NTN4: variants seen among roughly 807,000 people sequenced by gnomAD.
NTN4 encodes netrin 4, also known as netrin-4.
Under a neutral mutation model 73.6 loss-of-function variants are expected in NTN4, and 32 were observed. That is an observed-to-expected ratio of 0.44 (90% CI 0.33 to 0.58). The LOEUF (loss-of-function observed/expected upper bound fraction) is 0.58. NTN4 is among the 20% of genes least tolerant of loss of function. The pLI is 0.04. For synonymous variants in NTN4, 258 were observed against 287.5 expected, an observed-to-expected ratio of 0.90 and a Z score of 1.04; for missense variants, 654 against 798.3, an observed-to-expected ratio of 0.82 and a Z score of 2.18.
At chr12:95,771,627 G>T (rs1159287437) in intron 2 of NTN4, among the ~76,000 whole-genome samples, 1 of 152,026 alleles carries the variant, frequency 6.6e-6, no homozygotes. Flanking sequence ...TAGTCCAGGG[G>T]CATTCCAAAA....
chr12:95,668,864 G>A (rs779238935), intron 8 of NTN4, among the ~76,000 whole-genome samples: 3 of 152,154 alleles, frequency 2.0e-5, no homozygotes, highest in Non-Finnish European at 4.4e-5. Context: ...GGTGGCTCAC[G>A]CCTATAATCC....
At chr12:95,718,143 G>A (rs1174919980) in intron 3 of NTN4, among the ~76,000 whole-genome samples, 1 of 152,194 alleles carries the variant, frequency 6.6e-6, no homozygotes, top group Non-Finnish European at 1.5e-5. Flanking sequence ...AAGCCAAATA[G>A]GCATGGAAGA....
At chr12:95,765,961 A>G (rs971254791) in intron 2 of NTN4, among the ~76,000 whole-genome samples, 2 of 152,212 alleles carry the variant, frequency 1.3e-5, no homozygotes, top group African/African-American at 4.8e-5. Context: ...AGCTGGCACC[A>G]TCAGAGCCTG....
chr12:95,717,177 A>G (rs1187476120), intron 3 of NTN4, among the ~76,000 whole-genome samples: 1 of 152,158 alleles, frequency 6.6e-6, no homozygotes, highest in African/African-American at 2.4e-5. Context: ...AAGTACTGTG[A>G]GTCCTCTTCA....
chr12:95,683,469 A>C (rs372379442), intron 6 of NTN4, 29 bp downstream of exon 6: 2 of 1,594,818 alleles, frequency 1.3e-6, no homozygotes, highest in African/African-American at 2.7e-5. Flanking sequence ...AAATACATGC[A>C]GCTGAGAGCA....
rs2078578758 is a variant in NTN4, at chr12:95,713,197, G to A, written c.991+15C>T. On this transcript the variant is annotated intron_variant, in intron 4 of 9. Coordinates refer to ENST00000343702, the MANE Select transcript of NTN4 (RefSeq NM_021229.4). ...TACAAAGAAAGCTTTTGAGTATCGTGGGCTTGTTACTTACTTCTGCACTCG... is the reference window on the plus strand; with the variant it reads ...TACAAAGAAAGCTTTTGAGTATCGTAGGCTTGTTACTTACTTCTGCACTCG... 6.2e-7 allele frequency: 1 copy of A among 1,607,928 alleles called. No homozygotes were observed.
intron 2 of NTN4, among the ~76,000 whole-genome samples, chr12:95,762,098 G>A (rs776215828): frequency 3.9e-5 from 6 of 152,146 alleles, no homozygotes; most frequent in African/African-American, 7.2e-5. Flanking sequence ...ATGTTAAAAC[G>A]AATTGAGTTT....
chr12:95,689,064 C>T (rs2078383379), intron 5 of NTN4, among the ~76,000 whole-genome samples: 1 of 152,142 alleles, frequency 6.6e-6, no homozygotes, highest in Admixed American at 6.5e-5. Context: ...AACATCTGTG[C>T]AACCTTCCCC....
intron 3 of NTN4, among the ~76,000 whole-genome samples, chr12:95,718,733 T>A (rs2078625700): frequency 6.6e-6 from 1 of 152,188 alleles, no homozygotes; most frequent in Non-Finnish European, 1.5e-5. Context: ...TAAATAAATA[T>A]TAATAGTCTC....
rs1264263766 is a variant in NTN4, at chr12:95,790,509, C to T, written c.-200G>A. The T allele has an allele frequency of 1.7e-5, 7 of 423,892 alleles. No individual in the cohort carries two copies. The highest frequency in any genetic ancestry group is 6.1e-4 in the Middle Eastern group (1 of 1,646). 26.3% of individuals were successfully genotyped at this position (423,892 alleles called of 1,614,324 possible). A position where few individuals can be genotyped will look rare whatever the true frequency, so the allele number is the denominator to read the frequency against. On this transcript the variant is annotated 5_prime_UTR_variant, in exon 1 of 10. Transcript: ENST00000343702. This position sits in a 1 kb window ranked among gnomAD's most constrained non-coding sequence, Gnocchi z 6.5. ...GACCGCGCGGGGAGGTGGGGTGACC[C>T]TCGCGCACCGGCCTGGCGGGTCCCG...
intron 7 of NTN4, chr12:95,672,779 C>T: frequency 7.6e-7 from 1 of 1,309,802 alleles, no homozygotes; most frequent in East Asian, 2.3e-5. Flanking sequence ...CTGAAGGACA[C>T]TATTGCCAGC....
At chr12:95,775,701 A>C (rs2079087220) in intron 2 of NTN4, among the ~76,000 whole-genome samples, 1 of 152,230 alleles carries the variant, frequency 6.6e-6, no homozygotes, top group South Asian at 2.1e-4. Context: ...AACTGGGTGG[A>C]GCCCATTGCA....
chr12:95,718,253 A>G (rs1428609004), intron 3 of NTN4, among the ~76,000 whole-genome samples: 2 of 152,198 alleles, frequency 1.3e-5, no homozygotes, highest in Non-Finnish European at 2.9e-5. Context: ...CATAACTGGA[A>G]GATACACGGG....
chr12:95,666,436 T>A (rs1011890548), intron 8 of NTN4, among the ~76,000 whole-genome samples: 1 of 152,056 alleles, frequency 6.6e-6, no homozygotes, highest in African/African-American at 2.4e-5. Flanking sequence ...AAAATAAAAA[T>A]ACTGAATTAA....
At chr12:95,784,285 TG>T (rs1189927875) in intron 2 of NTN4, among the ~76,000 whole-genome samples, 1 of 152,184 alleles carries the variant, frequency 6.6e-6, no homozygotes, top group African/African-American at 2.4e-5. Flanking sequence ...TAATCACTTC[TG>T]GGGAGGCTTC....
In NTN4 at chr12:95,658,873, A is replaced by T; in HGVS notation, c.*213T>A. The T allele has an allele frequency of 2.5e-6, 1 of 393,496 alleles. No homozygotes were observed. The highest frequency in any genetic ancestry group is 4.5e-6 in the Non-Finnish European group (1 of 224,026). The allele number at this position is 393,496 out of a possible 1,614,324, so 24.4% of individuals were successfully genotyped here. A position where few individuals can be genotyped will look rare whatever the true frequency, so the allele number is the denominator to read the frequency against. ...TCAGAATCAGTCCCATAGAAAACAG[A>T]TATCAGTGTAGGGGTTTTCATTTCT... On this transcript the variant is annotated 3_prime_UTR_variant, in exon 10 of 10. Transcript: ENST00000343702.
At chr12:95,661,785 A>G (rs555552648) in intron 9 of NTN4, among the ~76,000 whole-genome samples, 1 of 152,332 alleles carries the variant, frequency 6.6e-6, no homozygotes, top group East Asian at 1.9e-4. Flanking sequence ...TGGTCAGATA[A>G]TGGATAGGGC....
chr12:95,683,442 G>A (rs757468243), intron 6 of NTN4, 56 bp downstream of exon 6: 1 of 1,512,548 alleles, frequency 6.6e-7, no homozygotes, highest in Non-Finnish European at 9.2e-7. Context: ...ATCACTATAG[G>A]TTTTCAAAAG....
chr12:95,749,981 A>G (rs1457018505), intron 2 of NTN4, among the ~76,000 whole-genome samples: 1 of 143,454 alleles, frequency 7.0e-6, no homozygotes, highest in African/African-American at 2.6e-5. Flanking sequence ...CCTTAGTGGC[A>G]AGTCCCGCTT....
Sources: gnomAD v4.1 joint callset for allele counts (sites outside exome capture counted in the v4.1 genomes callset) on GRCh38, gnomAD v4.1.1 for gene constraint, Gnocchi (gnomAD v3.1) non-coding constraint, MANE v1.5 for transcripts, NCBI Gene and HGNC (gene_info 2026-07-23, HGNC 2026-07-21) for gene names.